The following DGKH variants were observed in gnomAD, a reference collection of about 807,000 sequenced individuals.
DGKH encodes the protein DAG kinase eta.
DGKH carries 90 observed loss-of-function variants against 159.3 expected under a neutral mutation model. That is an observed-to-expected ratio of 0.57 (90% confidence interval 0.48 to 0.67). The LOEUF is 0.67. Ranked by LOEUF, DGKH falls within the 30% of genes least tolerant of loss-of-function variation. The probability of loss-of-function intolerance (pLI) is 0.00; values close to 1 mark genes in which losing one functional copy is unlikely to be tolerated. For synonymous variants in DGKH, 536 were observed against 553.8 expected, an observed-to-expected ratio of 0.97 and a Z score of 0.45; for missense variants, 1,181 against 1,506.1, an observed-to-expected ratio of 0.78 and a Z score of 3.57.
intron 1 of DGKH, among the ~76,000 whole-genome samples, chr13:42,060,423 C>A (rs1246852700): frequency 6.6e-6 from 1 of 152,162 alleles, no homozygotes; most frequent in Non-Finnish European, 1.5e-5. Context: ...CCTTTGCCTA[C>A]CAGACATTTC....
At chr13:42,125,673 T>C (rs749660819) in intron 1 of DGKH, among the ~76,000 whole-genome samples, 3 of 152,212 alleles carry the variant, frequency 2.0e-5, no homozygotes, top group Non-Finnish European at 4.4e-5. Flanking sequence ...AAAATTCTTA[T>C]TGAAATTCAA....
intron 1 of DGKH, chr13:42,070,298 C>A (rs1882872804): frequency 1.6e-6 from 2 of 1,282,208 alleles, no homozygotes; most frequent in East Asian, 4.6e-5. Context: ...CTAATGTAAA[C>A]TGGAATTACG....
rs1594224866 is a variant in DGKH at position 42,215,678 on chromosome 13, G to T, written c.3213+11G>T. ...GGCAGGGTTCCTTTGGTAAGGAAAA[G>T]AATGACTGGTAACATAAGAATGATG... On this transcript the variant is annotated intron_variant, in intron 26 of 29. Coordinates refer to ENST00000337343, the MANE Select transcript of DGKH (RefSeq NM_178009.5). 1 of 1,599,702 alleles carries T rather than the reference G, an allele frequency of 6.3e-7. No individual in the cohort carries two copies. The highest frequency in any genetic ancestry group is 8.5e-7 in the Non-Finnish European group (1 of 1,169,798).
chr13:42,166,966 A>C (rs1016826620), intron 9 of DGKH, among the ~76,000 whole-genome samples: 2 of 152,194 alleles, frequency 1.3e-5, no homozygotes, highest in Non-Finnish European at 2.9e-5. Flanking sequence ...TAAATATAGA[A>C]ATATAAAGTA....
intron 1 of DGKH, among the ~76,000 whole-genome samples, chr13:42,089,449 A>C (rs1472578620): frequency 6.6e-6 from 1 of 152,216 alleles, no homozygotes; most frequent in Non-Finnish European, 1.5e-5. Flanking sequence ...ATTATCTTAT[A>C]GTTCTGGAGG....
At chr13:42,078,711 C>T (rs1954143551) in intron 1 of DGKH, among the ~76,000 whole-genome samples, 1 of 152,024 alleles carries the variant, frequency 6.6e-6, no homozygotes, top group South Asian at 2.1e-4. Flanking sequence ...TTCCACTTGC[C>T]AGAAATAACT....
intron 1 of DGKH, among the ~76,000 whole-genome samples, chr13:42,059,890 T>TTC (rs1239120437): frequency 6.9e-6 from 1 of 144,564 alleles, no homozygotes; most frequent in African/African-American, 2.5e-5. Flanking sequence ...AAAGTTTAAG[T>TTC]TCTCTCTCTT....
intron 1 of DGKH, among the ~76,000 whole-genome samples, chr13:42,118,073 C>T (rs756656976): frequency 9.9e-5 from 15 of 152,066 alleles, no homozygotes; most frequent in Non-Finnish European, 1.3e-4. Flanking sequence ...AAAAATTAGC[C>T]GGGCGTGTTG....
chr13:42,172,054 T>TTTTGA (rs1395422403), intron 11 of DGKH, among the ~76,000 whole-genome samples: 1 of 152,060 alleles, frequency 6.6e-6, no homozygotes, highest in Non-Finnish European at 1.5e-5. Context: ...GGTCTTGATC[T>TTTTGA]CCTGACCTCG....
intron 3 of DGKH, among the ~76,000 whole-genome samples, chr13:42,132,732 C>A (rs570681359): frequency 6.6e-6 from 1 of 152,092 alleles, no homozygotes; most frequent in African/African-American, 2.4e-5. Flanking sequence ...ATTCCCATCT[C>A]TACAACAAAT....
At position 42,206,036 on chromosome 13, in the gene DGKH, C is replaced by G; in HGVS notation, c.2494-3C>G. 1 of 1,223,890 alleles carries G rather than the reference C, an allele frequency of 8.2e-7. No individual in the cohort carries two copies. The highest frequency in any genetic ancestry group is 1.6e-5 in the African/African-American group (1 of 61,622). 75.8% of individuals were successfully genotyped at this position (1,223,890 alleles called of 1,614,324 possible). A position where few individuals can be genotyped will look rare whatever the true frequency, so the allele number is the denominator to read the frequency against. ...ACTTTTTTTTTTTTTTTTTACCTTA[C>G]AGTGTGATGGGCAGTATATTCCTCT... On this transcript the variant is annotated splice_region_variant and splice_polypyrimidine_tract_variant and intron_variant, in intron 20 of 29. Transcript: ENST00000337343.
upstream of DGKH, among the ~76,000 whole-genome samples, chr13:42,048,337 G>A (rs1386365170): frequency 2.0e-5 from 3 of 152,198 alleles, no homozygotes; most frequent in Non-Finnish European, 4.4e-5. This position sits in a 1 kb window ranked among gnomAD's most constrained non-coding sequence, Gnocchi z 6.7. Context: ...AAGTGAGAGG[G>A]GGTGTGCGGG....
At chr13:42,160,210 G>T in intron 7 of DGKH, 74 bp downstream of exon 7, 2 of 1,604,926 alleles carry the variant, frequency 1.2e-6, no homozygotes, top group Middle Eastern at 1.7e-4. Context: ...GTGGTTTAGA[G>T]GCAAAGCAAA....
chr13:42,163,311 C>T lies in DGKH; in HGVS notation c.856-2020C>T, dbSNP rs376316705. Among the ~76,000 whole-genome samples the T allele has an allele frequency of 1.5e-3, 233 of 152,064 alleles. 8 individuals are homozygous for T. Among genetic ancestry groups the T allele is most frequent in the Non-Finnish European group, 4.3e-4 (29 of 68,008 alleles). On this transcript the variant is annotated intron_variant, in intron 7 of 29. Coordinates refer to ENST00000337343, the MANE Select transcript of DGKH (RefSeq NM_178009.5). ...AAGTCTTTGCTTTTGTGAATAGTGCCGCAATAAACATACGTGTGCATGTGT... is the reference window on the plus strand; with the variant it reads ...AAGTCTTTGCTTTTGTGAATAGTGCTGCAATAAACATACGTGTGCATGTGT...
At chr13:42,136,985 A>C (rs1225205044) in intron 3 of DGKH, among the ~76,000 whole-genome samples, 1 of 152,240 alleles carries the variant, frequency 6.6e-6, no homozygotes, top group East Asian at 1.9e-4. Flanking sequence ...GAAATTATGC[A>C]TTCATAATAT....
intron 30 of DGKH, chr13:42,256,088 C>T: frequency 8.1e-7 from 1 of 1,233,828 alleles, no homozygotes; most frequent in Non-Finnish European, 1.2e-6. Flanking sequence ...TGAAAATGAA[C>T]CAGGAAGTAG....
At position 42,240,070 on chromosome 13, in the gene DGKH, C is replaced by G. The variant is rs1293542413; in HGVS notation, c.*10882C>G. ...ACATAACATTTCAATTACACACACA[C>G]AACCTGTCTCTTCCACTGAACTTCT... On this transcript the variant is annotated 3_prime_UTR_variant, in exon 30 of 30. Transcript: ENST00000337343. 1.3e-5 allele frequency: 2 copies of G among 152,184 alleles called. No individual in the cohort carries two copies. The highest frequency in any genetic ancestry group is 1.9e-4 in the East Asian group (1 of 5,202). The allele number at this position is 152,184 out of a possible 1,614,324, so 9.4% of individuals were successfully genotyped here. A position where few individuals can be genotyped will look rare whatever the true frequency, so the allele number is the denominator to read the frequency against.
intron 30 of DGKH, among the ~76,000 whole-genome samples, chr13:42,253,287 G>C (rs978163258): frequency 6.6e-6 from 1 of 152,018 alleles, no homozygotes; most frequent in African/African-American, 2.4e-5. Flanking sequence ...CCTTATAATA[G>C]AGGATTCAGA....
intron 24 of DGKH, among the ~76,000 whole-genome samples, chr13:42,211,452 C>G (rs1957656064): frequency 6.6e-6 from 1 of 152,200 alleles, no homozygotes; most frequent in African/African-American, 2.4e-5. Flanking sequence ...AATCCCAACA[C>G]TTTGGGAGGC....
Sources: gnomAD v4.1 joint callset for allele counts (sites outside exome capture counted in the v4.1 genomes callset) on GRCh38, gnomAD v4.1.1 for gene constraint, Gnocchi (gnomAD v3.1) non-coding constraint, MANE v1.5 for transcripts, NCBI Gene and HGNC (gene_info 2026-07-23, HGNC 2026-07-21) for gene names.